The following SPAG16 variants were observed in gnomAD, a reference collection of about 807,000 sequenced individuals.
The protein encoded by SPAG16 is sperm-associated antigen 16 protein.
Under a neutral mutation model 80.4 loss-of-function variants are expected in SPAG16, and 86 were observed. The ratio of observed to expected loss-of-function variants is 1.07; its 90% CI spans 0.90 to 1.28. The LOEUF is 1.28. SPAG16 is among the 50% of genes most tolerant of loss of function. The pLI is 0.00. For synonymous variants in SPAG16, 294 were observed against 265.9 expected (o/e 1.11, Z -1.03); for missense variants, 870 against 765.3 (o/e 1.14, Z -1.61).
At position 213,489,985 on chromosome 2, in the gene SPAG16, T is replaced by G. The variant is rs772038496; in HGVS notation, c.965T>G (p.Met322Arg). ...NTKDSEFPID[M>R]QPNPNLNVSK... ...TAGGATTCAGAATTTCCCATAGATA[T>G]GCAACCAAATCCAAACCTGAATGTT... Residue 322 changes from methionine to arginine, a missense_variant, in exon 10 of 16, where the codon ATG becomes AGG. Met to Arg is a moderately conservative substitution (Grantham distance 91). Transcript: ENST00000331683. The G allele has an allele frequency of 1.2e-6, 2 of 1,606,836 alleles. No individual in the cohort carries two copies. Among genetic ancestry groups the G allele is most frequent in the Non-Finnish European group, 1.7e-6 (2 of 1,177,442 alleles).
intron 12 of SPAG16, among the ~76,000 whole-genome samples, chr2:213,962,307 C>T (rs1327718184): frequency 6.7e-6 from 1 of 149,456 alleles, no homozygotes; most frequent in African/African-American, 2.4e-5. Flanking sequence ...ATTCTCCTGC[C>T]TCAGCCTCCT....
At chr2:213,471,335 G>A (rs748023450) in intron 9 of SPAG16, among the ~76,000 whole-genome samples, 30 of 152,200 alleles carry the variant, frequency 2.0e-4, no homozygotes, top group Non-Finnish European at 3.4e-4. Context: ...GCCCAATCAC[G>A]TATATACCAC....
At chr2:213,647,955 A>G (rs548990695) in intron 10 of SPAG16, among the ~76,000 whole-genome samples, 141 of 152,338 alleles carry the variant, frequency 9.3e-4, no homozygotes, top group Non-Finnish European at 1.7e-3. Context: ...GTTTGATAGC[A>G]AAGTGTAGCC....
intron 10 of SPAG16, among the ~76,000 whole-genome samples, chr2:213,660,264 GTGT>G (rs768843578): frequency 2.2e-4 from 33 of 150,356 alleles, no homozygotes; most frequent in Non-Finnish European, 3.8e-4. Flanking sequence ...GTGGCTATTA[GTGT>G]TGTTGTTTTT....
intron 9 of SPAG16, among the ~76,000 whole-genome samples, chr2:213,402,318 G>A (rs969805794): frequency 2.6e-5 from 4 of 151,836 alleles, no homozygotes; most frequent in African/African-American, 9.7e-5. Context: ...AATTAGATAT[G>A]TTATACTATC....
At chr2:213,536,331 A>G (rs2076245814) in intron 10 of SPAG16, among the ~76,000 whole-genome samples, 1 of 152,138 alleles carries the variant, frequency 6.6e-6, no homozygotes, top group African/African-American at 2.4e-5. Context: ...GGGTAGATAC[A>G]TAAAGAATCT....
intron 10 of SPAG16, among the ~76,000 whole-genome samples, chr2:213,758,452 G>T (rs1575054552): frequency 6.6e-6 from 1 of 151,906 alleles, no homozygotes; most frequent in African/African-American, 2.4e-5. Context: ...TATAGAGAAA[G>T]TCAAGAAAAT....
chr2:214,182,155 ATT>A (rs2057328213), intron 15 of SPAG16, among the ~76,000 whole-genome samples: 1 of 151,714 alleles, frequency 6.6e-6, no homozygotes, highest in African/African-American at 2.4e-5. Context: ...ACATATATAT[ATT>A]GTACATGTAT....
At chr2:213,691,802 AGGT>A (rs1160748428) in intron 10 of SPAG16, among the ~76,000 whole-genome samples, 1 of 152,200 alleles carries the variant, frequency 6.6e-6, no homozygotes, top group African/African-American at 2.4e-5. Context: ...AAGCTCTAAA[AGGT>A]GGCAATCATT....
chr2:213,341,503 A>G (rs1483230277), intron 6 of SPAG16, among the ~76,000 whole-genome samples: 1 of 152,116 alleles, frequency 6.6e-6, no homozygotes, highest in Admixed American at 6.6e-5. Context: ...CTAGTTTGAT[A>G]ATAAATTTTA....
At chr2:213,321,361 T>C (rs2063601278) in intron 5 of SPAG16, among the ~76,000 whole-genome samples, 1 of 152,060 alleles carries the variant, frequency 6.6e-6, no homozygotes. Flanking sequence ...TTTATTGAAT[T>C]ACTCCCAGTT....
intron 12 of SPAG16, among the ~76,000 whole-genome samples, chr2:213,984,407 C>T (rs1291134428): frequency 2.6e-5 from 4 of 152,130 alleles, no homozygotes; most frequent in African/African-American, 9.7e-5. Flanking sequence ...TCAGAGCCTT[C>T]TCTGTGCTCT....
chr2:214,023,998 A>G (rs2048015916), intron 13 of SPAG16, among the ~76,000 whole-genome samples: 2 of 151,738 alleles, frequency 1.3e-5, no homozygotes, highest in African/African-American at 2.4e-5. Context: ...TAATTTCTTT[A>G]TACTTCATGC....
At chr2:213,356,073 G>A (rs555391034) in intron 7 of SPAG16, among the ~76,000 whole-genome samples, 9 of 152,242 alleles carry the variant, frequency 5.9e-5, no homozygotes, top group Middle Eastern at 3.4e-3. Context: ...AGAGATTTTA[G>A]CATGAAGTGA....
At chr2:213,303,503 A>G (rs1042608914) in intron 3 of SPAG16, among the ~76,000 whole-genome samples, 1 of 151,888 alleles carries the variant, frequency 6.6e-6, no homozygotes, top group Non-Finnish European at 1.5e-5. Context: ...CATTCTGACT[A>G]TATTTTTGTA....
intron 15 of SPAG16, among the ~76,000 whole-genome samples, chr2:214,233,506 T>C (rs546186483): frequency 1.3e-5 from 2 of 152,164 alleles, no homozygotes; most frequent in South Asian, 4.2e-4. Context: ...TGGACTGCCA[T>C]AGAAGGTACA....
At chr2:213,987,308 A>G (rs570615315) in intron 12 of SPAG16, among the ~76,000 whole-genome samples, 1 of 152,136 alleles carries the variant, frequency 6.6e-6, no homozygotes, top group Non-Finnish European at 1.5e-5. Flanking sequence ...TGCCTTTCTC[A>G]TTAGATCCGA....
chr2:213,529,492 G>T (rs1461816536), intron 10 of SPAG16, among the ~76,000 whole-genome samples: 2 of 152,154 alleles, frequency 1.3e-5, no homozygotes, highest in Non-Finnish European at 2.9e-5. Flanking sequence ...ACACACAGGG[G>T]TGCATCACTT....
chr2:213,918,930 G>A (rs1045201202), intron 11 of SPAG16, among the ~76,000 whole-genome samples: 6 of 151,968 alleles, frequency 3.9e-5, no homozygotes, highest in African/African-American at 7.2e-5. Context: ...AGAAGTATTC[G>A]TAATAGTCTC....
Sources: allele counts gnomAD v4.1 joint callset (sites outside exome capture counted in the v4.1 genomes callset), GRCh38; gene constraint gnomAD v4.1.1; transcripts MANE v1.5; gene names NCBI Gene and HGNC (gene_info 2026-07-23, HGNC 2026-07-21).